Variants in CMC1 observed in about 807,000 individuals in gnomAD.
CMC1 encodes C-X9-C motif containing 1.
A neutral mutation model predicts 14.1 loss-of-function variants in CMC1; 14 were observed. The observed-to-expected ratio is 0.99, with a 90% CI of 0.66 to 1.55. The LOEUF (loss-of-function observed/expected upper bound fraction) is 1.55. CMC1 is among the 40% of genes most tolerant of loss of function. CMC1 has a pLI of 0.00. For missense variants in CMC1, 127 were observed against 123.8 expected (o/e 1.03, Z -0.12); for synonymous variants, 50 against 38.4 (o/e 1.30, Z -1.12).
intron 1 of CMC1, among the ~76,000 whole-genome samples, chr3:28,252,229 T>C (rs1699166676): frequency 6.6e-6 from 1 of 152,124 alleles, no homozygotes; most frequent in Non-Finnish European, 1.5e-5. Context: ...TATTGGGAAA[T>C]GGGCACATCT....
chr3:28,316,319 C>T lies in CMC1; in HGVS notation c.110-14C>T. On this transcript the variant is annotated splice_polypyrimidine_tract_variant and intron_variant, in intron 2 of 3. Coordinates refer to ENST00000466830, the MANE Select transcript of CMC1 (RefSeq NM_182523.2). The stretch of plus-strand genomic sequence containing the variant: ...ATAATTACAAGTAATTTTTTCCTTC[C>T]AAATTTATTTCAGATTTTACCAAAT... The T allele has an allele frequency of 1.4e-6, 2 of 1,456,672 alleles. No individual in the cohort carries two copies. The highest frequency in any genetic ancestry group is 2.1e-5 in the Admixed American group (1 of 46,668). The allele number at this position is 1,456,672 out of a possible 1,614,324, so 90.2% of individuals were successfully genotyped here. A position where few individuals can be genotyped will look rare whatever the true frequency, so the allele number is the denominator to read the frequency against.
intron 2 of CMC1, among the ~76,000 whole-genome samples, chr3:28,307,645 C>G (rs1454458102): frequency 1.3e-5 from 2 of 152,142 alleles, no homozygotes; most frequent in East Asian, 3.8e-4. Context: ...GTCTAGAGTG[C>G]TGCTCTTGGT....
At chr3:28,314,111 TA>T (rs1308009681) in intron 2 of CMC1, among the ~76,000 whole-genome samples, 7 of 152,242 alleles carry the variant, frequency 4.6e-5, no homozygotes, top group African/African-American at 1.4e-4. Flanking sequence ...TAGCTTTAGC[TA>T]ATTCCGGATT....
chr3:28,274,220 C>CTTTTTTTTTTTTTTTTTTTTTTTT (rs544985268), intron 2 of CMC1, among the ~76,000 whole-genome samples: 2 of 112,326 alleles, frequency 1.8e-5, no homozygotes, highest in Non-Finnish European at 3.5e-5. Context: ...TTGTTTTTTT[C>CTTTTTTTTTTTTTTTTTTTTTTTT]TTTTTTTTTT....
At chr3:28,317,983 T>C (rs572500152) in intron 3 of CMC1, 1 of 151,992 alleles carries the variant, frequency 6.6e-6, no homozygotes, top group Non-Finnish European at 1.5e-5. Context: ...CTGTTTCTGC[T>C]TGTTTAGAAG....
chr3:28,280,868 T>C (rs1450975259), intron 2 of CMC1, among the ~76,000 whole-genome samples: 1 of 152,220 alleles, frequency 6.6e-6, no homozygotes, highest in Non-Finnish European at 1.5e-5. Flanking sequence ...GTTGGCAAAC[T>C]GCAGCCTGAT....
Position 28,289,145 on chromosome 3 carries a change from T to G in CMC1, c.109+25765T>G, listed in dbSNP as rs1701343283. Among the ~76,000 whole-genome samples the G allele has an allele frequency of 2.0e-5, 3 of 151,708 alleles. No homozygotes were observed. The South Asian group carries it at 6.2e-4, about 31-fold the overall frequency. On this transcript the variant is annotated intron_variant, in intron 2 of 3. Coordinates refer to ENST00000466830, the MANE Select transcript of CMC1 (RefSeq NM_182523.2). ...TTTTTGAATTAAGACTAATACAGTC[T>G]GCAAAGCAGTATTAATTTAGAGTTA...
At chr3:28,263,213 G>A in intron 1 of CMC1, 78 bp from the exon 2 acceptor site, 1 of 990,952 alleles carries the variant, frequency 1.0e-6, no homozygotes, top group Non-Finnish European at 1.5e-6. Context: ...TTTATTTTAA[G>A]TAAACCAGAG....
chr3:28,317,493 A>G (rs1453018594), intron 3 of CMC1: 2 of 152,056 alleles, frequency 1.3e-5, no homozygotes, highest in African/African-American at 4.8e-5. Flanking sequence ...TACTGAGTAA[A>G]CGAATCTCTT....
At chr3:28,292,663 G>A (rs1422798995) in intron 2 of CMC1, 1 of 152,108 alleles carries the variant, frequency 6.6e-6, no homozygotes, top group African/African-American at 2.4e-5. Context: ...GATGTGGTTA[G>A]TATATAATAG....
chr3:28,307,130 A>G (rs1702359456), intron 2 of CMC1, among the ~76,000 whole-genome samples: 1 of 152,236 alleles, frequency 6.6e-6, no homozygotes, highest in African/African-American at 2.4e-5. Context: ...ACACACAGAT[A>G]TCATAAAAGA....
rs78078347 is a variant in CMC1 at position 28,281,105 on chromosome 3, A to G, written c.109+17725A>G. Reference sequence around the variant, plus strand: ...TAATCAAATTAAATTCTAGAAACACAGGAAAGGCTTGCCTAAATTAACTAA... The same window carrying G: ...TAATCAAATTAAATTCTAGAAACACGGGAAAGGCTTGCCTAAATTAACTAA... On this transcript the variant is annotated intron_variant, in intron 2 of 3. Transcript: ENST00000466830. 3.9e-3 allele frequency among the ~76,000 whole-genome samples: 595 copies of G among 152,344 alleles called. 9 individuals are homozygous for G. Among genetic ancestry groups the G allele is most frequent in the African/African-American group, 0.014 (574 of 41,584 alleles).
intron 1 of CMC1, among the ~76,000 whole-genome samples, chr3:28,245,242 C>G (rs910036291): frequency 1.3e-5 from 2 of 152,122 alleles, no homozygotes; most frequent in Non-Finnish European, 2.9e-5. Flanking sequence ...CGAAAAAATG[C>G]AGGTTACATG....
chr3:28,308,961 G>A (rs1266067793), intron 2 of CMC1, among the ~76,000 whole-genome samples: 33 of 145,394 alleles, frequency 2.3e-4, no homozygotes, highest in Middle Eastern at 3.5e-3. Context: ...CCAGCCCGGC[G>A]ACGGAGCGAG....
chr3:28,316,986 T>C (rs1307751029), intron 3 of CMC1: 1 of 152,130 alleles, frequency 6.6e-6, no homozygotes, highest in African/African-American at 2.4e-5. Context: ...TGAATTCACA[T>C]GCTGATTTAT....
chr3:28,293,594 T>G (rs1198284151), intron 2 of CMC1, among the ~76,000 whole-genome samples: 1 of 152,158 alleles, frequency 6.6e-6, no homozygotes, highest in Admixed American at 6.5e-5. Context: ...TATTCTTTCT[T>G]TTTTTGAGAT....
intron 2 of CMC1, among the ~76,000 whole-genome samples, chr3:28,276,080 C>T (rs1700577223): frequency 6.6e-6 from 1 of 152,138 alleles, no homozygotes; most frequent in Non-Finnish European, 1.5e-5. Context: ...CCACCCCTCT[C>T]CCCGGGAACT....
At chr3:28,316,583 C>A in intron 3 of CMC1, 160 bp downstream of exon 3, 1 of 404,018 alleles carries the variant, frequency 2.5e-6, no homozygotes. Flanking sequence ...AAAAATGCAA[C>A]ATATTTATGA....
At chr3:28,246,798 A>ATTT (rs770788764) in intron 1 of CMC1, among the ~76,000 whole-genome samples, 1 of 121,468 alleles carries the variant, frequency 8.2e-6, no homozygotes, top group Admixed American at 8.3e-5. Context: ...GGGTCCATTG[A>ATTT]TTTTTTTTTT....
Sources: gnomAD v4.1 joint callset for allele counts (sites outside exome capture counted in the v4.1 genomes callset) on GRCh38, gnomAD v4.1.1 for gene constraint, MANE v1.5 for transcripts, NCBI Gene and HGNC (gene_info 2026-07-23, HGNC 2026-07-21) for gene names.